Variants in SYT17 observed in about 807,000 individuals in gnomAD.
SYT17 encodes synaptotagmin 17, also known as synaptotagmin-17.
Under a neutral mutation model 46.7 loss-of-function variants are expected in SYT17, and 22 were observed. The ratio of observed to expected loss-of-function variants is 0.47; its 90% confidence interval spans 0.34 to 0.67. The LOEUF (loss-of-function observed/expected upper bound fraction) is 0.67, where lower values mean the gene tolerates loss of function less well. Among genes scored for constraint, SYT17 ranks in the 30% least tolerant of loss-of-function variants. SYT17 has a pLI of 0.01. For synonymous variants in SYT17, 251 were observed against 248.4 expected (o/e 1.01, Z -0.10); for missense variants, 519 against 612.8 (o/e 0.85, Z 1.62).
rs962345700 is a variant in SYT17, at chr16:19,168,948, T to A, written c.15+287T>A. On this transcript the variant is annotated intron_variant, in intron 1 of 7. Transcript: ENST00000355377. The surrounding 1 kb of genome is among the most constrained non-coding windows in gnomAD (Gnocchi z 6.9). The stretch of plus-strand genomic sequence containing the variant: ...GGTGGGGCGGACTTTTCTTCTCCCC[T>A]GCCCCCTCCCTCTCCTTGGCACCCC... Among the ~76,000 whole-genome samples, 2 of 151,414 alleles carry A rather than the reference T, an allele frequency of 1.3e-5. No homozygotes were observed. The highest frequency in any genetic ancestry group is 3.0e-5 in the Non-Finnish European group (2 of 67,754).
rs545220671 is a variant in SYT17 at position 19,178,208 on chromosome 16, G to A, written c.183-2183G>A. Among the ~76,000 whole-genome samples the A allele has an allele frequency of 4.6e-5, 7 of 150,930 alleles. No homozygotes were observed. In the South Asian group the frequency reaches 1.5e-3, roughly 32 times the overall value. On this transcript the variant is annotated intron_variant, in intron 3 of 7. Coordinates refer to ENST00000355377, the MANE Select transcript of SYT17 (RefSeq NM_016524.4). The stretch of plus-strand genomic sequence containing the variant: ...TGCCATTCTCTTGCCTCAGCCTCCC[G>A]AGTAGCTGGGACTACAGGCGTCCGC...
intron 5 of SYT17, among the ~76,000 whole-genome samples, chr16:19,203,349 T>C (rs1293225113): frequency 9.5e-6 from 1 of 105,528 alleles, no homozygotes; most frequent in Non-Finnish European, 2.0e-5. Context: ...AAAAAAAAAA[T>C]AGCTGGGCGT....
chr16:19,168,551 T>C lies in SYT17; in HGVS notation c.-96T>C. The C allele has an allele frequency of 6.6e-7, 1 of 1,524,892 alleles. No individual in the cohort carries two copies. The highest frequency in any genetic ancestry group is 8.9e-7 in the Non-Finnish European group (1 of 1,128,670). The allele number at this position is 1,524,892 out of a possible 1,614,324, so 94.5% of individuals were successfully genotyped here. A position where few individuals can be genotyped will look rare whatever the true frequency, so the allele number is the denominator to read the frequency against. ...GGGCCACCGGCTGCCTTTTTCTTCC[T>C]TTCCCCCTTTGCTTTCTTCCCCCTC... On this transcript the variant is annotated 5_prime_UTR_variant, in exon 1 of 8. Transcript: ENST00000355377. The surrounding 1 kb of genome is among the most constrained non-coding windows in gnomAD (Gnocchi z 6.9).
chr16:19,193,962 C>G (rs1965129706), intron 5 of SYT17, among the ~76,000 whole-genome samples: 1 of 152,204 alleles, frequency 6.6e-6, no homozygotes, highest in Admixed American at 6.5e-5. Flanking sequence ...GAAGTCTGTT[C>G]TGGTCGGGGC....
At chr16:19,186,655 C>T (rs1344192518) in intron 5 of SYT17, among the ~76,000 whole-genome samples, 2 of 152,184 alleles carry the variant, frequency 1.3e-5, no homozygotes, top group Non-Finnish European at 2.9e-5. Flanking sequence ...GTGGGTTTGA[C>T]TCAAGTCCTG....
intron 5 of SYT17, among the ~76,000 whole-genome samples, chr16:19,194,039 C>T (rs28615202): frequency 3.3e-5 from 5 of 152,198 alleles, no homozygotes; most frequent in African/African-American, 9.7e-5. Context: ...GCTCAGAATG[C>T]GGCATCTTCC....
At chr16:19,251,219 C>G (rs992545987) in intron 7 of SYT17, among the ~76,000 whole-genome samples, 11 of 152,136 alleles carry the variant, frequency 7.2e-5, no homozygotes, top group African/African-American at 2.4e-4. Context: ...TTGCAACTCA[C>G]TCATAAAAGG....
chr16:19,176,281 C>G (rs1452940396), intron 3 of SYT17, among the ~76,000 whole-genome samples: 1 of 152,162 alleles, frequency 6.6e-6, no homozygotes, highest in Non-Finnish European at 1.5e-5. Context: ...CCAGGAAAGA[C>G]TCTTATTAGC....
chr16:19,207,512 G>T (rs1393589657), intron 5 of SYT17, among the ~76,000 whole-genome samples: 1 of 152,134 alleles, frequency 6.6e-6, no homozygotes, highest in Non-Finnish European at 1.5e-5. Context: ...CATATGGCCA[G>T]AGCAGGAGGA....
rs144535702 is a variant in SYT17 at position 19,193,907 on chromosome 16, C to T, written c.951+9760C>T. On this transcript the variant is annotated intron_variant, in intron 5 of 7. Transcript: ENST00000355377. ...CACAAGTAGGAAAGACTCCACTGGC[C>T]GAGAGACCTAAGCAGAGATGTGGGG... Among the ~76,000 whole-genome samples, 962 of 152,268 alleles carry T rather than the reference C, an allele frequency of 6.3e-3. 11 individuals carry two copies. Among genetic ancestry groups the T allele is most frequent in the Middle Eastern group, 0.051 (15 of 294 alleles).
chr16:19,173,391 C>A (rs1964181448), intron 2 of SYT17, 39 bp from the exon 3 acceptor site: 2 of 447,454 alleles, frequency 4.5e-6, no homozygotes, highest in Non-Finnish European at 7.9e-6. Context: ...CACCTCCCCT[C>A]TCCCCCATCC....
chr16:19,253,454 C>A (rs1968336588), intron 7 of SYT17, among the ~76,000 whole-genome samples: 1 of 151,742 alleles, frequency 6.6e-6, no homozygotes, highest in Admixed American at 6.6e-5. Flanking sequence ...GCCTGTAGTC[C>A]CAGGTCCTTG....
intron 7 of SYT17, among the ~76,000 whole-genome samples, chr16:19,244,745 C>G (rs1967407633): frequency 6.6e-6 from 1 of 152,230 alleles, no homozygotes; most frequent in African/African-American, 2.4e-5. Context: ...GCTCTGCCAT[C>G]TTCTCTGGCC....
Position 19,268,281 on chromosome 16 carries a change from G to A in SYT17, c.*1205G>A, listed in dbSNP as rs1284471175. The A allele has an allele frequency of 2.0e-5, 3 of 151,928 alleles. No individual in the cohort carries two copies. The highest frequency in any genetic ancestry group is 7.3e-5 in the African/African-American group (3 of 41,340). The allele number at this position is 151,928 out of a possible 1,614,324, so 9.4% of individuals were successfully genotyped here. A position where few individuals can be genotyped will look rare whatever the true frequency, so the allele number is the denominator to read the frequency against. Reference sequence around the variant, plus strand: ...TATCTTTTTCCACAGCATAATGTCTGGTGTGATGGGGAGCTATTTATTGAA... The same window carrying A: ...TATCTTTTTCCACAGCATAATGTCTAGTGTGATGGGGAGCTATTTATTGAA... On this transcript the variant is annotated 3_prime_UTR_variant, in exon 8 of 8. Transcript: ENST00000355377.
rs1352146307 is a variant in SYT17, at chr16:19,201,542, G to A, written c.951+17395G>A. 2.6e-5 allele frequency among the ~76,000 whole-genome samples: 4 copies of A among 151,912 alleles called. No individual in the cohort carries two copies. The East Asian group carries it at 7.7e-4, about 29-fold the overall frequency. On this transcript the variant is annotated intron_variant, in intron 5 of 7. Coordinates refer to ENST00000355377, the MANE Select transcript of SYT17 (RefSeq NM_016524.4). ...AGGGAGGAGTGCTAAACAAATAGAA[G>A]CCACAGATATCTCTTCTGTGGCCCC...
intron 5 of SYT17, among the ~76,000 whole-genome samples, chr16:19,203,985 A>T (rs1443267855): frequency 6.6e-6 from 1 of 152,226 alleles, no homozygotes; most frequent in Non-Finnish European, 1.5e-5. Context: ...CATGGATCTT[A>T]GCGCTTATCC....
chr16:19,183,848 G>A lies in SYT17; in HGVS notation c.652G>A (p.Asp218Asn), dbSNP rs1212270316. ...GGACCTGCCACCTCCCATCTCCCAC[G>A]ATGGCTCGCGCCAGGACATGGCGCA... is the stretch of plus-strand genomic sequence containing the variant. ...ARDLPPPISH[D>N]GSRQDMAHSN... is the part of the protein sequence containing the mutation. The change falls in exon 5 of 8, where the codon GAT becomes AAT. Residue 218 changes from aspartate to asparagine, a missense_variant. Asp to Asn is a conservative substitution (Grantham distance 23, BLOSUM62 1). Coordinates refer to ENST00000355377, the MANE Select transcript of SYT17 (RefSeq NM_016524.4). The surrounding 1 kb of genome is among the most constrained non-coding windows in gnomAD (Gnocchi z 5.6). 1.9e-6 allele frequency: 3 copies of A among 1,613,998 alleles called. No individual in the cohort carries two copies. The highest frequency in any genetic ancestry group is 1.1e-5 in the South Asian group (1 of 91,088).
chr16:19,195,197 T>G (rs1042112090), intron 5 of SYT17, among the ~76,000 whole-genome samples: 12 of 152,154 alleles, frequency 7.9e-5, no homozygotes, highest in African/African-American at 2.4e-4. Context: ...GCTTTTATTG[T>G]GTGAACTATT....
chr16:19,240,565 A>G (rs1447526520), intron 7 of SYT17, among the ~76,000 whole-genome samples: 2 of 152,150 alleles, frequency 1.3e-5, no homozygotes, highest in South Asian at 2.1e-4. Context: ...TGATTGGTCC[A>G]TGGGCAGCCA....
Sources: gnomAD v4.1 joint callset for allele counts (sites outside exome capture counted in the v4.1 genomes callset) on GRCh38, gnomAD v4.1.1 for gene constraint, Gnocchi (gnomAD v3.1) non-coding constraint, MANE v1.5 for transcripts, NCBI Gene and HGNC (gene_info 2026-07-23, HGNC 2026-07-21) for gene names.